Variants in ASAP1 observed in about 807,000 individuals in gnomAD.
The protein encoded by ASAP1 is arf-GAP with SH3 domain, ANK repeat and PH domain-containing protein 1.
ASAP1 carries 43 observed loss-of-function variants against 145.2 expected under a neutral mutation model. That is an observed-to-expected ratio of 0.30 (90% confidence interval 0.23 to 0.38). The LOEUF is 0.38. Ranked by LOEUF, ASAP1 falls within the 10% of genes least tolerant of loss-of-function variation. The pLI is 1.00. For missense variants in ASAP1, 1,018 were observed against 1,355.3 expected (o/e 0.75, Z 3.91); for synonymous variants, 546 against 515.5 (o/e 1.06, Z -0.80).
intron 13 of ASAP1, among the ~76,000 whole-genome samples, chr8:130,139,559 T>C (rs2135844239): frequency 6.6e-6 from 1 of 151,950 alleles, no homozygotes; most frequent in Admixed American, 6.5e-5. Flanking sequence ...AACCCCGTTG[T>C]CTCTACTGAA....
chr8:130,086,094 C>T (rs919236975), intron 25 of ASAP1, among the ~76,000 whole-genome samples: 2 of 152,228 alleles, frequency 1.3e-5, no homozygotes, highest in Non-Finnish European at 2.9e-5. Flanking sequence ...CTAAGTTGAT[C>T]GCCTTCTCCA....
intron 1 of ASAP1, among the ~76,000 whole-genome samples, chr8:130,422,089 G>A (rs936087212): frequency 6.6e-6 from 1 of 152,198 alleles, no homozygotes; most frequent in African/African-American, 2.4e-5. Flanking sequence ...GGTCAGGAAC[G>A]GCCTCCTGGA....
At chr8:130,420,880 C>G (rs576712917) in intron 1 of ASAP1, among the ~76,000 whole-genome samples, 1 of 142,064 alleles carries the variant, frequency 7.0e-6, no homozygotes, top group African/African-American at 2.6e-5. Flanking sequence ...GCAAAAAGAG[C>G]AAAACTCCAA....
At chr8:130,361,281 G>T in intron 2 of ASAP1, 1 of 218,114 alleles carries the variant, frequency 4.6e-6, no homozygotes, top group Non-Finnish European at 9.2e-6. Flanking sequence ...AGTAACTGAT[G>T]CTGTCATCTT....
At chr8:130,408,215 G>A (rs1362696879) in intron 1 of ASAP1, among the ~76,000 whole-genome samples, 1 of 152,192 alleles carries the variant, frequency 6.6e-6, no homozygotes, top group South Asian at 2.1e-4. Context: ...CTGGGCTAAA[G>A]GATGCCCAGA....
intron 5 of ASAP1, among the ~76,000 whole-genome samples, chr8:130,205,689 C>T (rs376048218): frequency 1.3e-5 from 2 of 149,700 alleles, no homozygotes; most frequent in Non-Finnish European, 3.0e-5. Flanking sequence ...AGGTGGGGCA[C>T]CTAATAGTCT....
intron 1 of ASAP1, among the ~76,000 whole-genome samples, chr8:130,407,365 A>T (rs911721801): frequency 6.6e-6 from 1 of 152,196 alleles, no homozygotes; most frequent in Non-Finnish European, 1.5e-5. Context: ...CCCAGACACA[A>T]CCAGGGCATA....
At chr8:130,157,113 G>C (rs1357078405) in intron 12 of ASAP1, among the ~76,000 whole-genome samples, 2 of 152,190 alleles carry the variant, frequency 1.3e-5, no homozygotes, top group Admixed American at 6.5e-5. Context: ...AGATGGTCAG[G>C]GAAGAACAAG....
chr8:130,370,306 AAAAC>A (rs1271661016), intron 2 of ASAP1, among the ~76,000 whole-genome samples: 1 of 152,286 alleles, frequency 6.6e-6, no homozygotes, highest in African/African-American at 2.4e-5. Flanking sequence ...CCCCATCTCA[AAAAC>A]AAACAAACAA....
intron 12 of ASAP1, among the ~76,000 whole-genome samples, chr8:130,157,818 T>C (rs1478630854): frequency 3.3e-5 from 5 of 152,148 alleles, no homozygotes; most frequent in South Asian, 2.1e-4. Context: ...ACCTGTATAA[T>C]AGCAAGAACC....
chr8:130,195,377 A>AG lies in ASAP1; in HGVS notation c.406-7195dup, dbSNP rs1209382540. On this transcript the variant is annotated intron_variant, in intron 5 of 29. Coordinates refer to ENST00000518721, the MANE Select transcript of ASAP1 (RefSeq NM_018482.4). Reference sequence around the variant, plus strand: ...TATAGCAAGACTCCACCATCTCTTTAGGAAAAAAAAAAAAAAAAAAAAAAA... The same window carrying AG: ...TATAGCAAGACTCCACCATCTCTTTAGGGAAAAAAAAAAAAAAAAAAAAAAA... The AG allele has an allele frequency of 7.2e-5, 9 of 124,310 alleles. No homozygotes were observed. The South Asian group carries it at 2.1e-3, about 28-fold the overall frequency. 7.7% of individuals were successfully genotyped at this position (124,310 alleles called of 1,614,324 possible).
At chr8:130,343,386 C>T (rs540987365) in intron 3 of ASAP1, among the ~76,000 whole-genome samples, 17 of 152,280 alleles carry the variant, frequency 1.1e-4, no homozygotes, top group Admixed American at 5.9e-4. Context: ...CTCCTTTTTC[C>T]CTTCACTACT....
intron 3 of ASAP1, chr8:130,341,001 T>C: frequency 2.3e-6 from 1 of 428,298 alleles, no homozygotes; most frequent in South Asian, 1.7e-5. Flanking sequence ...GGGGCAGTGG[T>C]GGAGGGGTGG....
chr8:130,236,826 C>T, intron 4 of ASAP1, 96 bp downstream of exon 4: 1 of 909,882 alleles, frequency 1.1e-6, no homozygotes, highest in Non-Finnish European at 1.6e-6. Context: ...CCATTTGTGT[C>T]AAGTTTCCTA....
At chr8:130,216,650 C>T (rs559076976) in intron 4 of ASAP1, among the ~76,000 whole-genome samples, 3 of 152,278 alleles carry the variant, frequency 2.0e-5, no homozygotes, top group East Asian at 3.9e-4. Flanking sequence ...TTTGCTTACT[C>T]TCTTGGGATC....
At chr8:130,426,427 G>T (rs1829920407) in intron 1 of ASAP1, among the ~76,000 whole-genome samples, 4 of 151,154 alleles carry the variant, frequency 2.6e-5, no homozygotes. Context: ...AAAAAAAAAG[G>T]GTAAGCCAAG....
At chr8:130,064,150 G>C (rs115442121) in intron 27 of ASAP1, among the ~76,000 whole-genome samples, 1,673 of 152,262 alleles carry the variant, frequency 0.011, 28 homozygotes, top group African/African-American at 0.039. Flanking sequence ...AATGTGGAAG[G>C]CTCCAGTGTT....
intron 3 of ASAP1, among the ~76,000 whole-genome samples, chr8:130,345,850 G>T (rs760946502): frequency 2.0e-5 from 3 of 152,222 alleles, no homozygotes; most frequent in Non-Finnish European, 4.4e-5. Context: ...TCTGTGACTA[G>T]TATTACTAGG....
chr8:130,293,633 T>G (rs1822078973), intron 3 of ASAP1, among the ~76,000 whole-genome samples: 1 of 152,146 alleles, frequency 6.6e-6, no homozygotes, highest in Admixed American at 6.5e-5. Flanking sequence ...TGGAGGGATT[T>G]CCAAATCAGC....
Sources: gnomAD v4.1 joint callset for allele counts (sites outside exome capture counted in the v4.1 genomes callset) on GRCh38, gnomAD v4.1.1 for gene constraint, MANE v1.5 for transcripts, NCBI Gene and HGNC (gene_info 2026-07-23, HGNC 2026-07-21) for gene names.